The following CACNA1D variants were observed in gnomAD, a reference collection of about 807,000 sequenced individuals.
The protein encoded by CACNA1D is calcium voltage-gated channel subunit alpha1 D, also known as voltage-dependent L-type calcium channel subunit alpha-1D.
CACNA1D carries 55 observed loss-of-function variants against 257.1 expected under a neutral mutation model. The observed-to-expected ratio is 0.21, with a 90% CI of 0.17 to 0.27. CACNA1D has a LOEUF of 0.27. Ranked by LOEUF, CACNA1D falls within the 10% of genes least tolerant of loss-of-function variation. The pLI, the probability that CACNA1D is intolerant of heterozygous loss-of-function variation, is 1.00. For synonymous variants in CACNA1D, 980 were observed against 1,014.9 expected, an observed-to-expected ratio of 0.97 and a Z score of 0.65; for missense variants, 1,876 against 2,784.0, an observed-to-expected ratio of 0.67 and a Z score of 7.34.
At chr3:53,643,400 G>A (rs1037748676) in intron 3 of CACNA1D, among the ~76,000 whole-genome samples, 2 of 152,110 alleles carry the variant, frequency 1.3e-5, no homozygotes, top group African/African-American at 4.8e-5. Flanking sequence ...ATAGCGCTGC[G>A]GCTCCCCTGG....
intron 7 of CACNA1D, among the ~76,000 whole-genome samples, chr3:53,672,751 GA>G (rs2094334970): frequency 7.6e-6 from 1 of 130,804 alleles, no homozygotes; most frequent in Non-Finnish European, 1.6e-5. Flanking sequence ...TGAAAGCCTT[GA>G]TGACTCTGTG....
rs1244613989 is a variant in CACNA1D, at chr3:53,781,804, C to T, written c.4792+137C>T. ...CATTAAGGCCAACTGATAAAGAAAG[C>T]CCTTTGGCCATTTGGTGTGATTATT... On this transcript the variant is annotated intron_variant, in intron 39 of 47. Transcript: ENST00000350061. The T allele has an allele frequency of 1.4e-5, 10 of 717,444 alleles. No individual in the cohort carries two copies. In the East Asian group the frequency reaches 2.6e-4, roughly 19 times the overall value. 44.4% of individuals were successfully genotyped at this position (717,444 alleles called of 1,614,324 possible).
At position 53,744,816 on chromosome 3, in the gene CACNA1D, A is replaced by G. The variant is rs1335472287; in HGVS notation, c.2995A>G (p.Lys999Glu). The G allele has an allele frequency of 6.3e-7, 1 of 1,599,374 alleles. No homozygotes were observed. The highest frequency in any genetic ancestry group is 8.6e-7 in the Non-Finnish European group (1 of 1,166,558). Residue 999 changes from lysine (K) to glutamate (E), a missense_variant, in exon 23 of 48, where the codon AAA (lysine) becomes GAA (glutamate). Lys to Glu is a moderately conservative substitution (Grantham distance 56). Around this residue, in one of 10 missense-constraint regions of CACNA1D, gnomAD observed 271 missense variants for 425.5 expected, o/e 0.64. Transcript: ENST00000350061. ...TCCCCTCAGGGCCATCAACAGAGCA[A>G]AAGGACTTAAGGTTTTGATTCCTCT... ...LRPLRAINRA[K>E]GLKHVVQCVF...
At chr3:53,532,123 C>T (rs921366638) in intron 3 of CACNA1D, among the ~76,000 whole-genome samples, 1 of 152,090 alleles carries the variant, frequency 6.6e-6, no homozygotes, top group African/African-American at 2.4e-5. Context: ...ACTGAATTGT[C>T]GCAAAGTTAT....
At chr3:53,792,392 G>C (rs938634341) in intron 40 of CACNA1D, 1 of 152,204 alleles carries the variant, frequency 6.6e-6, no homozygotes, top group South Asian at 2.1e-4. Flanking sequence ...AACATTCAAA[G>C]TAGCCATAGT....
chr3:53,800,504 C>A lies in CACNA1D; in HGVS notation c.5040+139C>A. ...GGCCTAGAGGGGCTTTCAGACCACACCCTCCCCCTCTTACAGACCCTCCCC... is the reference window on the plus strand; with the variant it reads ...GGCCTAGAGGGGCTTTCAGACCACAACCTCCCCCTCTTACAGACCCTCCCC... On this transcript the variant is annotated intron_variant, in intron 41 of 47. Transcript: ENST00000350061. This position sits in a 1 kb window ranked among gnomAD's most constrained non-coding sequence, Gnocchi z 4.3. 1.3e-6 allele frequency: 1 copy of A among 756,020 alleles called. No homozygotes were observed. The highest frequency in any genetic ancestry group is 2.4e-6 in the Non-Finnish European group (1 of 411,834). 46.8% of individuals were successfully genotyped at this position (756,020 alleles called of 1,614,324 possible).
At chr3:53,545,546 C>G (rs907197788) in intron 3 of CACNA1D, among the ~76,000 whole-genome samples, 1 of 152,176 alleles carries the variant, frequency 6.6e-6, no homozygotes, top group African/African-American at 2.4e-5. Context: ...CCAGGACTGT[C>G]ATAGTAGAGC....
chr3:53,717,403 C>T (rs3774549), intron 9 of CACNA1D, among the ~76,000 whole-genome samples: 3 of 93,790 alleles, frequency 3.2e-5, no homozygotes, highest in Admixed American at 2.9e-4. Flanking sequence ...GCCTGGGCTC[C>T]AGCACGTGTT....
At chr3:53,549,219 T>C (rs2092478069) in intron 3 of CACNA1D, among the ~76,000 whole-genome samples, 1 of 152,202 alleles carries the variant, frequency 6.6e-6, no homozygotes, top group Non-Finnish European at 1.5e-5. Flanking sequence ...TTTCTTTTTG[T>C]CACGTACTGA....
intron 39 of CACNA1D, 69 bp from the exon 40 acceptor site, chr3:53,786,753 G>C: frequency 2.8e-6 from 2 of 713,584 alleles, no homozygotes; most frequent in South Asian, 1.4e-5. Context: ...GCCCCAGCCA[G>C]AAGCAAGTGT....
rs963986355 is a variant in CACNA1D, at chr3:53,648,730, A to T, written c.484-2049A>T. On this transcript the variant is annotated intron_variant, in intron 3 of 47. Transcript: ENST00000350061. ...TGGGATGAGCCTGGCTAAGAACAGGACTGGTCTGAAGTCTAGAGGGGGCAT... is the reference window on the plus strand; with the variant it reads ...TGGGATGAGCCTGGCTAAGAACAGGTCTGGTCTGAAGTCTAGAGGGGGCAT... Among the ~76,000 whole-genome samples the T allele has an allele frequency of 7.2e-5, 11 of 151,950 alleles. No homozygotes were observed. In the East Asian group the frequency reaches 9.7e-4, roughly 13 times the overall value.
chr3:53,723,221 C>T lies in CACNA1D; in HGVS notation c.1667-213C>T, dbSNP rs1031229605. On this transcript the variant is annotated intron_variant, in intron 12 of 47. Coordinates refer to ENST00000350061, the MANE Select transcript of CACNA1D (RefSeq NM_001128840.3). The surrounding 1 kb of genome is among the most constrained non-coding windows in gnomAD (Gnocchi z 5.6). ...AAATCAAGTAACTTCTCCAGAGTCA[C>T]ACACATAGCTAGTAGCAGAAGCAGG... 6.6e-6 allele frequency among the ~76,000 whole-genome samples: 1 copy of T among 152,120 alleles called. No homozygotes were observed. The highest frequency in any genetic ancestry group is 1.5e-5 in the Non-Finnish European group (1 of 68,028).
At chr3:53,505,118 T>TG (rs1400696720) in intron 3 of CACNA1D, among the ~76,000 whole-genome samples, 2 of 144,430 alleles carry the variant, frequency 1.4e-5, no homozygotes, top group African/African-American at 2.6e-5. Flanking sequence ...TTTATTTGTT[T>TG]TTTTTTTTTT....
chr3:53,612,878 T>G (rs908348241), intron 3 of CACNA1D, among the ~76,000 whole-genome samples: 1 of 152,234 alleles, frequency 6.6e-6, no homozygotes, highest in Non-Finnish European at 1.5e-5. Flanking sequence ...ATATTTGTTT[T>G]ATATTTTTCC....
At chr3:53,528,519 C>T (rs1225282328) in intron 3 of CACNA1D, among the ~76,000 whole-genome samples, 1 of 152,114 alleles carries the variant, frequency 6.6e-6, no homozygotes, top group Non-Finnish European at 1.5e-5. Flanking sequence ...TATTCTAGGT[C>T]CTTTGCATTT....
At chr3:53,558,775 G>C (rs1327043047) in intron 3 of CACNA1D, among the ~76,000 whole-genome samples, 1 of 151,840 alleles carries the variant, frequency 6.6e-6, no homozygotes, top group Non-Finnish European at 1.5e-5. Flanking sequence ...TTTTCCTCTG[G>C]CTATTTTCAA....
chr3:53,609,674 G>A (rs1165972017), intron 3 of CACNA1D, among the ~76,000 whole-genome samples: 1 of 152,060 alleles, frequency 6.6e-6, no homozygotes, highest in African/African-American at 2.4e-5. Flanking sequence ...GATCAGTCTA[G>A]CTGGAAATTT....
chr3:53,801,595 C>T lies in CACNA1D; in HGVS notation c.5408+170C>T, dbSNP rs2095536357. Among the ~76,000 whole-genome samples, 6 of 152,270 alleles carry T rather than the reference C, an allele frequency of 3.9e-5. No homozygotes were observed. In the South Asian group the frequency reaches 1.2e-3, roughly 32 times the overall value. On this transcript the variant is annotated intron_variant, in intron 42 of 47. Transcript: ENST00000350061. ...CCCCCCAGGTCACTGCTGCCTCTGACACTCTCCACGTGATGGACCTAAAGG... is the reference window on the plus strand; with the variant it reads ...CCCCCCAGGTCACTGCTGCCTCTGATACTCTCCACGTGATGGACCTAAAGG...
intron 19 of CACNA1D, among the ~76,000 whole-genome samples, chr3:53,734,540 G>T (rs141275131): frequency 6.6e-6 from 1 of 151,922 alleles, no homozygotes; most frequent in South Asian, 2.1e-4. Context: ...GTCAAACATT[G>T]AGGGTATGGA....
Sources: gnomAD v4.1 joint callset for allele counts (sites outside exome capture counted in the v4.1 genomes callset) on GRCh38, gnomAD v4.1.1 for gene constraint, gnomAD v4.1.1 regional missense constraint, Gnocchi (gnomAD v3.1) non-coding constraint, MANE v1.5 for transcripts, NCBI Gene and HGNC (gene_info 2026-07-23, HGNC 2026-07-21) for gene names.